CACNA2D1: variants seen among roughly 807,000 people sequenced by gnomAD.
CACNA2D1 encodes calcium voltage-gated channel auxiliary subunit alpha2delta 1.
Under a neutral mutation model 171.5 loss-of-function variants are expected in CACNA2D1, and 53 were observed. The observed-to-expected ratio is 0.31, with a 90% CI of 0.25 to 0.39. The LOEUF is 0.39. CACNA2D1 is among the 10% of genes least tolerant of loss of function. CACNA2D1 has a pLI of 1.00. For missense variants in CACNA2D1, 903 were observed against 1,299.8 expected, an observed-to-expected ratio of 0.69 and a Z score of 4.69; for synonymous variants, 442 against 443.1, an observed-to-expected ratio of 1.00 and a Z score of 0.03.
Position 81,967,606 on chromosome 7 carries a change from A to G in CACNA2D1, c.2453T>C (p.Ile818Thr). 6.7e-7 allele frequency: 1 copy of G among 1,500,750 alleles called. No individual in the cohort carries two copies. 93.0% of individuals were successfully genotyped at this position (1,500,750 alleles called of 1,614,324 possible). A position where few individuals can be genotyped will look rare whatever the true frequency, so the allele number is the denominator to read the frequency against. The change falls in exon 30 of 39, where the codon ATC becomes ACC. Residue 818 changes from isoleucine (I) to threonine (T), a missense_variant. By Grantham distance (89) the Ile-to-Thr change is moderately conservative. Transcript: ENST00000356860. ...TTAAAAATATCTTACCGGATCTCTG[A>G]TTGAGGTTTTGGTGAAATTCTCTAT... ...SWIENFTKTS[I>T]RDPCAGPVCD... is the part of the protein sequence containing the mutation.
intron 21 of CACNA2D1, among the ~76,000 whole-genome samples, chr7:81,988,972 A>G (rs1797252772): frequency 6.6e-6 from 1 of 152,162 alleles, no homozygotes; most frequent in Admixed American, 6.6e-5. Flanking sequence ...GAAGAGGGAG[A>G]TAGAGTGTGG....
chr7:82,164,215 T>C (rs545316237), intron 4 of CACNA2D1, among the ~76,000 whole-genome samples: 24 of 152,038 alleles, frequency 1.6e-4, no homozygotes, highest in Non-Finnish European at 2.8e-4. Context: ...TACAAGTAAT[T>C]ATTTTTTAAT....
At chr7:82,441,747 T>C (rs1830519518) in intron 1 of CACNA2D1, among the ~76,000 whole-genome samples, 1 of 152,148 alleles carries the variant, frequency 6.6e-6, no homozygotes, top group African/African-American at 2.4e-5. Flanking sequence ...ACTGTAAAAA[T>C]GAGTAATCGG....
intron 4 of CACNA2D1, among the ~76,000 whole-genome samples, chr7:82,143,227 G>A (rs1286142316): frequency 6.6e-6 from 1 of 152,196 alleles, no homozygotes; most frequent in African/African-American, 2.4e-5. Flanking sequence ...AGACCATCTA[G>A]AGATAAGTGC....
intron 1 of CACNA2D1, among the ~76,000 whole-genome samples, chr7:82,413,067 C>T (rs1192376387): frequency 4.6e-5 from 7 of 151,986 alleles, no homozygotes; most frequent in Non-Finnish European, 1.0e-4. Flanking sequence ...TTGAATTAGT[C>T]CCATATCTAT....
chr7:82,155,131 C>G (rs7803832), intron 4 of CACNA2D1, among the ~76,000 whole-genome samples: 43,923 of 151,840 alleles, frequency 0.29, 6,786 homozygotes, highest in Middle Eastern at 0.42. Flanking sequence ...GTGATAGTAA[C>G]TTTCCAGAGG....
intron 19 of CACNA2D1, among the ~76,000 whole-genome samples, chr7:81,996,668 ATTT>A (rs1279932935): frequency 2.0e-5 from 3 of 150,526 alleles, no homozygotes; most frequent in African/African-American, 7.3e-5. Flanking sequence ...TATTTCTAAT[ATTT>A]TTATTATTAA....
intron 3 of CACNA2D1, among the ~76,000 whole-genome samples, chr7:82,299,695 C>T (rs1440456232): frequency 1.3e-5 from 2 of 151,488 alleles, no homozygotes; most frequent in African/African-American, 2.4e-5. Flanking sequence ...GAGTAGAATG[C>T]ATAATTTCAA....
intron 3 of CACNA2D1, among the ~76,000 whole-genome samples, chr7:82,269,824 A>T (rs138894055): frequency 6.2e-4 from 94 of 152,266 alleles, no homozygotes; most frequent in African/African-American, 1.9e-3. Flanking sequence ...CAATTTTTTC[A>T]AGCTCCAATT....
chr7:82,028,641 T>C (rs1802259922), intron 12 of CACNA2D1: 1 of 151,724 alleles, frequency 6.6e-6, no homozygotes, highest in Non-Finnish European at 1.5e-5. Flanking sequence ...AAGACAAAAA[T>C]ATCGACATTA....
At chr7:82,366,695 T>C (rs1001645621) in intron 1 of CACNA2D1, among the ~76,000 whole-genome samples, 2 of 152,130 alleles carry the variant, frequency 1.3e-5, no homozygotes, top group African/African-American at 4.8e-5. Flanking sequence ...AGTGTATTTG[T>C]CTCTTTGGCA....
chr7:82,217,356 A>ATAT (rs765451689), intron 3 of CACNA2D1, among the ~76,000 whole-genome samples: 1 of 129,776 alleles, frequency 7.7e-6, no homozygotes, highest in Non-Finnish European at 1.6e-5. Context: ...TTTTAAAAAA[A>ATAT]AAATATATAT....
chr7:82,425,698 A>G (rs749578960), intron 1 of CACNA2D1, among the ~76,000 whole-genome samples: 3 of 151,422 alleles, frequency 2.0e-5, no homozygotes, highest in Non-Finnish European at 4.4e-5. Context: ...ACACCCAGAC[A>G]ATTATTTAAT....
intron 3 of CACNA2D1, among the ~76,000 whole-genome samples, chr7:82,278,731 C>T (rs945721356): frequency 6.6e-5 from 10 of 151,998 alleles, no homozygotes; most frequent in Non-Finnish European, 8.8e-5. Context: ...TTAATAATAA[C>T]CTACAAGATT....
chr7:82,356,514 CT>C (rs1202476707), intron 1 of CACNA2D1, among the ~76,000 whole-genome samples: 2 of 152,120 alleles, frequency 1.3e-5, no homozygotes, highest in Non-Finnish European at 2.9e-5. Context: ...TTTCCTTATA[CT>C]TTCAGAATTA....
intron 3 of CACNA2D1, among the ~76,000 whole-genome samples, chr7:82,277,905 C>G (rs940083118): frequency 6.6e-6 from 1 of 151,678 alleles, no homozygotes; most frequent in East Asian, 1.9e-4. Context: ...GCCACCACAC[C>G]GGGCTAATTT....
At chr7:82,373,825 A>G (rs990277643) in intron 1 of CACNA2D1, among the ~76,000 whole-genome samples, 8 of 152,248 alleles carry the variant, frequency 5.3e-5, no homozygotes, top group African/African-American at 1.7e-4. Flanking sequence ...TGTATCTCCA[A>G]ATAAGTTCAG....
intron 1 of CACNA2D1, among the ~76,000 whole-genome samples, chr7:82,351,870 G>C (rs889069012): frequency 2.6e-5 from 4 of 152,050 alleles, no homozygotes; most frequent in Non-Finnish European, 2.9e-5. Flanking sequence ...ACAAGTCCTA[G>C]AACCTACAAA....
intron 3 of CACNA2D1, among the ~76,000 whole-genome samples, chr7:82,255,224 T>G (rs1806156990): frequency 6.6e-6 from 1 of 152,156 alleles, no homozygotes; most frequent in African/African-American, 2.4e-5. Flanking sequence ...CCACCCACAC[T>G]AAACTGCCCC....
Sources: gnomAD v4.1 joint callset for allele counts (sites outside exome capture counted in the v4.1 genomes callset) on GRCh38, gnomAD v4.1.1 for gene constraint, MANE v1.5 for transcripts, NCBI Gene and HGNC (gene_info 2026-07-23, HGNC 2026-07-21) for gene names.